The following ZFYVE9 variants were observed in gnomAD, a reference collection of about 807,000 sequenced individuals.
ZFYVE9 encodes the protein zinc finger FYVE domain-containing protein 9.
ZFYVE9 carries 43 observed loss-of-function variants against 126.7 expected under a neutral mutation model. The ratio of observed to expected loss-of-function variants is 0.34; its 90% CI spans 0.27 to 0.44. The LOEUF is 0.44. Ranked by LOEUF, ZFYVE9 falls within the 20% of genes least tolerant of loss-of-function variation. The probability of loss-of-function intolerance (pLI) is 1.00; values close to 1 mark genes in which losing one functional copy is unlikely to be tolerated. For synonymous variants in ZFYVE9, 521 were observed against 597.4 expected, an observed-to-expected ratio of 0.87 and a Z score of 1.87; for missense variants, 1,476 against 1,697.0, an observed-to-expected ratio of 0.87 and a Z score of 2.29.
chr1:52,270,818 G>T (rs1645685246), intron 7 of ZFYVE9, among the ~76,000 whole-genome samples: 1 of 149,252 alleles, frequency 6.7e-6, no homozygotes. Flanking sequence ...CTCATGACTA[G>T]TTTCAGATTA....
At chr1:52,255,920 TTTC>T (rs1645505354) in intron 4 of ZFYVE9, among the ~76,000 whole-genome samples, 1 of 105,128 alleles carries the variant, frequency 9.5e-6, no homozygotes, top group African/African-American at 5.6e-5. Flanking sequence ...TTTCTTTTCT[TTTC>T]TTTTCTTTTC....
At chr1:52,200,370 A>G (rs1386296902) in intron 1 of ZFYVE9, among the ~76,000 whole-genome samples, 1 of 151,884 alleles carries the variant, frequency 6.6e-6, no homozygotes, top group East Asian at 1.9e-4. Flanking sequence ...TTGTAGAGAC[A>G]GGGTTTTGTC....
At chr1:52,268,753 C>A in intron 7 of ZFYVE9, 121 bp downstream of exon 7, 2 of 1,177,052 alleles carry the variant, frequency 1.7e-6, no homozygotes, top group Non-Finnish European at 2.3e-6. Flanking sequence ...TGTATACGTG[C>A]ACATATATGG....
chr1:52,302,707 C>T (rs774842634), intron 12 of ZFYVE9, among the ~76,000 whole-genome samples: 7 of 151,540 alleles, frequency 4.6e-5, no homozygotes, highest in Admixed American at 3.3e-4. Context: ...GCCAAGATTG[C>T]GCCACTGCAC....
At chr1:52,282,940 G>C (rs984995718) in intron 10 of ZFYVE9, among the ~76,000 whole-genome samples, 2 of 152,178 alleles carry the variant, frequency 1.3e-5, no homozygotes, top group African/African-American at 4.8e-5. Context: ...ATGTGATGTA[G>C]ATTATGCGTA....
Position 52,346,497 on chromosome 1 carries a change from T to C in ZFYVE9, c.*276T>C. The C allele has an allele frequency of 2.4e-6, 1 of 418,062 alleles. No homozygotes were observed. The highest frequency in any genetic ancestry group is 9.9e-5 in the South Asian group (1 of 10,100). 25.9% of individuals were successfully genotyped at this position (418,062 alleles called of 1,614,324 possible). ...ATGCTATCCTTGCAGCTAATCCCCT[T>C]CTGTTACTGTTTAGACAAGAATTCC... On this transcript the variant is annotated 3_prime_UTR_variant, in exon 19 of 19. Coordinates refer to ENST00000287727, the MANE Select transcript of ZFYVE9 (RefSeq NM_004799.4).
At position 52,332,902 on chromosome 1, in the gene ZFYVE9, C is replaced by A; in HGVS notation, c.3573C>A (p.His1191Gln). The change falls in exon 14 of 19, where the codon CAC (histidine) becomes CAA (glutamine). Residue 1191 changes from histidine to glutamine, a missense_variant. Around this residue, in one of 2 missense-constraint regions of ZFYVE9, gnomAD observed 669 missense variants for 902.4 expected, o/e 0.74. Coordinates refer to ENST00000287727, the MANE Select transcript of ZFYVE9 (RefSeq NM_004799.4). ...ATCAGACCCAGGCTATCAGTATTCACAATCAGCCCAGAAAAGGTGAGCATT... is the reference window on the plus strand; with the variant it reads ...ATCAGACCCAGGCTATCAGTATTCAAAATCAGCCCAGAAAAGGTGAGCATT... ...GNYQTQAISI[H>Q]NQPRKVTGAS... 1.2e-6 allele frequency: 2 copies of A among 1,614,056 alleles called. No homozygotes were observed. The highest frequency in any genetic ancestry group is 1.7e-6 in the Non-Finnish European group (2 of 1,179,992).
At chr1:52,260,952 A>C (rs1645573990) in intron 4 of ZFYVE9, among the ~76,000 whole-genome samples, 2 of 152,070 alleles carry the variant, frequency 1.3e-5, no homozygotes, top group African/African-American at 4.8e-5. Context: ...AGCCATATTA[A>C]CTTTTTTTAG....
Position 52,162,968 on chromosome 1 carries a change from T to G in ZFYVE9, c.-143+20565T>G, listed in dbSNP as rs1644476866. The G allele has an allele frequency of 1.1e-5, 5 of 451,928 alleles. No homozygotes were observed. The South Asian group carries it at 1.4e-4, about 13-fold the overall frequency. 28.0% of individuals were successfully genotyped at this position (451,928 alleles called of 1,614,324 possible). On this transcript the variant is annotated intron_variant, in intron 1 of 18. Transcript: ENST00000287727. ...CAAGCAGGAGTTCCTGTTGGAGATT[T>G]TGACTGAGAGTGAAGACTCATTTAC...
chr1:52,219,053 G>T (rs756530865), intron 2 of ZFYVE9, among the ~76,000 whole-genome samples: 1 of 152,090 alleles, frequency 6.6e-6, no homozygotes, highest in Non-Finnish European at 1.5e-5. Flanking sequence ...AGGAGGTCCA[G>T]CCCTGATATT....
chr1:52,192,151 G>A (rs937945135), intron 1 of ZFYVE9, among the ~76,000 whole-genome samples: 5 of 152,082 alleles, frequency 3.3e-5, no homozygotes, highest in Non-Finnish European at 7.4e-5. Context: ...CTTAGAGGAG[G>A]GGATTGCTTT....
At chr1:52,200,874 T>C (rs1299709020) in intron 1 of ZFYVE9, among the ~76,000 whole-genome samples, 1 of 152,226 alleles carries the variant, frequency 6.6e-6, no homozygotes, top group Admixed American at 6.5e-5. Flanking sequence ...CTATCACCAA[T>C]TTGACACTGT....
chr1:52,181,930 C>T (rs1644710206), intron 1 of ZFYVE9, among the ~76,000 whole-genome samples: 1 of 151,756 alleles, frequency 6.6e-6, no homozygotes, highest in Non-Finnish European at 1.5e-5. Flanking sequence ...CGCCCGGCAG[C>T]CACCCCGTCG....
chr1:52,202,905 C>T (rs996035351), intron 1 of ZFYVE9, among the ~76,000 whole-genome samples: 5 of 151,448 alleles, frequency 3.3e-5, no homozygotes, highest in Admixed American at 6.6e-5. Context: ...AGGTTGGTCT[C>T]GAACTCCTGA....
At chr1:52,182,963 A>G (rs566716870) in intron 1 of ZFYVE9, among the ~76,000 whole-genome samples, 1 of 152,320 alleles carries the variant, frequency 6.6e-6, no homozygotes, top group South Asian at 2.1e-4. Flanking sequence ...ATTAAAAAAA[A>G]TAAGGTGTCT....
At chr1:52,226,295 T>G (rs1263647606) in intron 2 of ZFYVE9, among the ~76,000 whole-genome samples, 1 of 152,198 alleles carries the variant, frequency 6.6e-6, no homozygotes, top group Non-Finnish European at 1.5e-5. Context: ...TGTCTGTGTC[T>G]GCAGCTCGAC....
intron 1 of ZFYVE9, chr1:52,180,229 A>G: frequency 1.2e-6 from 2 of 1,603,352 alleles, no homozygotes; most frequent in Non-Finnish European, 1.7e-6. Flanking sequence ...CTGATAAATC[A>G]GCACCTCAGT....
chr1:52,320,681 G>A (rs1646230784), intron 13 of ZFYVE9, among the ~76,000 whole-genome samples: 2 of 152,134 alleles, frequency 1.3e-5, no homozygotes, highest in Admixed American at 1.3e-4. Flanking sequence ...ACTTCTGAAA[G>A]AAGACATAAG....
intron 5 of ZFYVE9, among the ~76,000 whole-genome samples, chr1:52,264,418 G>A (rs72895919): frequency 0.047 from 7,179 of 152,204 alleles, 569 homozygotes; most frequent in African/African-American, 0.16. Flanking sequence ...GAGAATAATG[G>A]TTTAGAATCT....
Sources: gnomAD v4.1 joint callset for allele counts (sites outside exome capture counted in the v4.1 genomes callset) on GRCh38, gnomAD v4.1.1 for gene constraint, gnomAD v4.1.1 regional missense constraint, MANE v1.5 for transcripts, NCBI Gene and HGNC (gene_info 2026-07-23, HGNC 2026-07-21) for gene names.